The following BCAS3 variants were observed in gnomAD, a reference collection of about 807,000 sequenced individuals.
BCAS3 encodes BCAS4/BCAS3 fusion.
A neutral mutation model predicts 116.1 loss-of-function variants in BCAS3; 53 were observed. The observed-to-expected ratio is 0.46, with a 90% CI of 0.37 to 0.57. BCAS3 has a LOEUF of 0.57. Ranked by LOEUF, BCAS3 falls within the 20% of genes least tolerant of loss-of-function variation. BCAS3 has a pLI of 0.00. For synonymous variants in BCAS3, 391 were observed against 408.2 expected, an observed-to-expected ratio of 0.96 and a Z score of 0.51; for missense variants, 917 against 1,165.4, an observed-to-expected ratio of 0.79 and a Z score of 3.10.
chr17:60,799,709 T>TTC, intron 6 of BCAS3, among the ~76,000 whole-genome samples: 1 of 13,894 alleles, frequency 7.2e-5, no homozygotes, highest in Non-Finnish European at 1.7e-4. Context: ...TTTTCTTTTC[T>TTC]TTTTTTTTTT....
chr17:61,312,571 A>G (rs1415707112), intron 22 of BCAS3, among the ~76,000 whole-genome samples: 1 of 152,102 alleles, frequency 6.6e-6, no homozygotes, highest in Non-Finnish European at 1.5e-5. Flanking sequence ...AAACATATGT[A>G]TTGTGGCCAA....
rs1020453524 is a variant in BCAS3, at chr17:61,013,337, A to G, written c.1487-2414A>G. ...TTGTGAAATACATATGATGTACACA[A>G]TTCTTAATTTTCACCAGCTTGTGAC... On this transcript the variant is annotated intron_variant, in intron 15 of 23. Coordinates refer to ENST00000407086, the MANE Select transcript of BCAS3 (RefSeq NM_017679.5). The surrounding 1 kb of genome is among the most constrained non-coding windows in gnomAD (Gnocchi z 4.4). Among the ~76,000 whole-genome samples the G allele has an allele frequency of 3.3e-5, 5 of 152,142 alleles. No homozygotes were observed. Among genetic ancestry groups the G allele is most frequent in the African/African-American group, 9.6e-5 (4 of 41,452 alleles).
chr17:60,850,429 G>A (rs2053019035), intron 7 of BCAS3, among the ~76,000 whole-genome samples: 1 of 138,990 alleles, frequency 7.2e-6, no homozygotes, highest in Non-Finnish European at 1.5e-5. Context: ...CGTGATCTCG[G>A]CTCTCTGCAA....
At chr17:61,116,266 A>AAATC (rs113338013) in intron 22 of BCAS3, among the ~76,000 whole-genome samples, 134,808 of 151,272 alleles carry the variant, frequency 0.89, 60,871 homozygotes, top group East Asian at 0.97. Flanking sequence ...ATAAATAAAT[A>AAATC]AATAAATAAA....
In BCAS3 at chr17:61,354,399, G is replaced by A. The variant is rs890008284; in HGVS notation, c.2426-13928G>A. 1.3e-5 allele frequency: 2 copies of A among 152,180 alleles called. No homozygotes were observed. Among genetic ancestry groups the A allele is most frequent in the African/African-American group, 4.8e-5 (2 of 41,434 alleles). 9.4% of individuals were successfully genotyped at this position (152,180 alleles called of 1,614,324 possible). ...CCGCCCTTGAGTGGGGAACATCCAGGCCTTCACACTCACGCTCAGCCCATC... is the reference window on the plus strand; with the variant it reads ...CCGCCCTTGAGTGGGGAACATCCAGACCTTCACACTCACGCTCAGCCCATC... On this transcript the variant is annotated intron_variant, in intron 22 of 23. Transcript: ENST00000407086. This position sits in a 1 kb window ranked among gnomAD's most constrained non-coding sequence, Gnocchi z 4.5.
intron 3 of BCAS3, among the ~76,000 whole-genome samples, chr17:60,687,208 C>T (rs1180664780): frequency 6.6e-6 from 1 of 152,120 alleles, no homozygotes; most frequent in Admixed American, 6.6e-5. Context: ...AAAGTTTTGA[C>T]TTTAAATAAG....
In BCAS3 at chr17:61,226,366, T is replaced by C. The variant is rs944710565; in HGVS notation, c.2425+141802T>C. Reference sequence around the variant, plus strand: ...GGCAATATTTGAAACATTTAAATTATATTAACAGTTTTTCTTTTTTGTATA... The same window carrying C: ...GGCAATATTTGAAACATTTAAATTACATTAACAGTTTTTCTTTTTTGTATA... On this transcript the variant is annotated intron_variant, in intron 22 of 23. Transcript: ENST00000407086. This position sits in a 1 kb window ranked among gnomAD's most constrained non-coding sequence, Gnocchi z 6.0. 3.9e-5 allele frequency among the ~76,000 whole-genome samples: 6 copies of C among 152,232 alleles called. No individual in the cohort carries two copies. Among genetic ancestry groups the C allele is most frequent in the Non-Finnish European group, 8.8e-5 (6 of 68,048 alleles).
Position 60,960,958 on chromosome 17 carries a change from T to G in BCAS3, c.1221+13606T>G, listed in dbSNP as rs955535956. On this transcript the variant is annotated intron_variant, in intron 14 of 23. Coordinates refer to ENST00000407086, the MANE Select transcript of BCAS3 (RefSeq NM_017679.5). This position sits in a 1 kb window ranked among gnomAD's most constrained non-coding sequence, Gnocchi z 4.1. ...CATTTGTCTCTCTATTCCTGGCTTCTGCTGATTGAGTGGATCCATGAAACA... is the reference window on the plus strand; with the variant it reads ...CATTTGTCTCTCTATTCCTGGCTTCGGCTGATTGAGTGGATCCATGAAACA... 6.6e-6 allele frequency among the ~76,000 whole-genome samples: 1 copy of G among 152,074 alleles called. No individual in the cohort carries two copies. The highest frequency in any genetic ancestry group is 2.4e-5 in the African/African-American group (1 of 41,404).
intron 19 of BCAS3, among the ~76,000 whole-genome samples, chr17:61,055,931 C>T (rs1486041967): frequency 2.6e-5 from 4 of 152,026 alleles, no homozygotes; most frequent in East Asian, 3.9e-4. Flanking sequence ...AGAGAGTTAC[C>T]GTCTTTCAAA....
At chr17:61,254,598 G>A (rs2048627334) in intron 22 of BCAS3, among the ~76,000 whole-genome samples, 1 of 151,736 alleles carries the variant, frequency 6.6e-6, no homozygotes, top group South Asian at 2.1e-4. Flanking sequence ...CCAACATGGT[G>A]AAACCCCTTC....
chr17:61,038,398 A>G (rs1457676455), intron 18 of BCAS3, among the ~76,000 whole-genome samples: 1 of 149,908 alleles, frequency 6.7e-6, no homozygotes, highest in Non-Finnish European at 1.5e-5. Flanking sequence ...GACTACAGGC[A>G]CACGCCACCA....
chr17:60,759,047 C>T (rs7503896), intron 6 of BCAS3, among the ~76,000 whole-genome samples: 110,027 of 151,268 alleles, frequency 0.73, 45,648 homozygotes, highest in South Asian at 0.98. Flanking sequence ...GATCTCGACT[C>T]ACTGCAACCT....
chr17:60,798,545 CTGT>C (rs1478572540), intron 6 of BCAS3, among the ~76,000 whole-genome samples: 1 of 152,130 alleles, frequency 6.6e-6, no homozygotes, highest in Non-Finnish European at 1.5e-5. Flanking sequence ...TCTTTTTAGT[CTGT>C]TGTTTGGATA....
chr17:60,869,549 G>A (rs1163086525), intron 8 of BCAS3, among the ~76,000 whole-genome samples: 2 of 152,164 alleles, frequency 1.3e-5, no homozygotes, highest in Admixed American at 6.5e-5. Flanking sequence ...ATGTAGAAGG[G>A]AGGGCAAAGA....
intron 7 of BCAS3, among the ~76,000 whole-genome samples, chr17:60,827,448 A>G (rs2050530496): frequency 6.6e-6 from 1 of 152,188 alleles, no homozygotes; most frequent in Non-Finnish European, 1.5e-5. Context: ...GCCAGTCTTC[A>G]TTGCCTAACC....
chr17:60,965,371 G>A (rs145852499), intron 14 of BCAS3, among the ~76,000 whole-genome samples: 4,123 of 151,588 alleles, frequency 0.027, 76 homozygotes, highest in Non-Finnish European at 0.038. Context: ...ATAGGCGCCC[G>A]CCACCACACC....
At chr17:61,176,530 T>A (rs1351800455) in intron 22 of BCAS3, among the ~76,000 whole-genome samples, 2 of 78,460 alleles carry the variant, frequency 2.5e-5, no homozygotes, top group Non-Finnish European at 5.4e-5. Flanking sequence ...AATGTCTATT[T>A]ATTTATTTAT....
chr17:61,275,017 A>T (rs998638533), intron 22 of BCAS3, among the ~76,000 whole-genome samples: 12 of 151,876 alleles, frequency 7.9e-5, no homozygotes, highest in African/African-American at 2.9e-4. Context: ...TACTTCACTA[A>T]TTTTTTAATT....
rs1235175634 is a variant in BCAS3 at position 61,189,216 on chromosome 17, T to G, written c.2425+104652T>G. 6.6e-6 allele frequency among the ~76,000 whole-genome samples: 1 copy of G among 152,154 alleles called. No individual in the cohort carries two copies. Among genetic ancestry groups the G allele is most frequent in the Non-Finnish European group, 1.5e-5 (1 of 68,020 alleles). ...TTAGAGTTGAGGAAGGTGGAGAATA[T>G]TTAAGGAAAGCTTTCTGTAGAAGTA... On this transcript the variant is annotated intron_variant, in intron 22 of 23. Coordinates refer to ENST00000407086, the MANE Select transcript of BCAS3 (RefSeq NM_017679.5). The surrounding 1 kb of genome is among the most constrained non-coding windows in gnomAD (Gnocchi z 4.5).
Sources: gnomAD v4.1 joint callset for allele counts (sites outside exome capture counted in the v4.1 genomes callset) on GRCh38, gnomAD v4.1.1 for gene constraint, Gnocchi (gnomAD v3.1) non-coding constraint, MANE v1.5 for transcripts, NCBI Gene and HGNC (gene_info 2026-07-23, HGNC 2026-07-21) for gene names.